The following JPH3 variants were observed in gnomAD, a reference collection of about 807,000 sequenced individuals.
JPH3 encodes the protein junctophilin 3.
JPH3 carries 11 observed loss-of-function variants against 59.6 expected under a neutral mutation model. That is an observed-to-expected ratio of 0.18 (90% CI 0.12 to 0.31). JPH3 has a LOEUF of 0.31. JPH3 is among the 10% of genes least tolerant of loss of function. The pLI, the probability that JPH3 is intolerant of heterozygous loss-of-function variation, is 1.00. For missense variants in JPH3, 1,202 were observed against 1,105.7 expected (o/e 1.09, Z -1.24); for synonymous variants, 673 against 483.6 (o/e 1.39, Z -5.14).
chr16:87,666,154 T>C (rs1157843474), intron 2 of JPH3, among the ~76,000 whole-genome samples: 1 of 151,546 alleles, frequency 6.6e-6, no homozygotes, highest in Non-Finnish European at 1.5e-5. Context: ...AGCGGCATGG[T>C]CTTGGTTCAC....
intron 1 of JPH3, among the ~76,000 whole-genome samples, chr16:87,633,037 CT>C (rs1405164659): frequency 1.3e-5 from 2 of 152,254 alleles, no homozygotes; most frequent in African/African-American, 4.8e-5. Context: ...TTCTCCTGTC[CT>C]TTTACTTCAT....
Position 87,619,577 on chromosome 16 carries a change from C to T in JPH3, c.382+16049C>T, listed in dbSNP as rs73234331. ...AGGACAAAGCCAGGATCTCAGTCTG[C>T]GGCTTGGAGGGGTCTGGGGTCCGGC... On this transcript the variant is annotated intron_variant, in intron 1 of 4. Transcript: ENST00000284262. Among the ~76,000 whole-genome samples, 799 of 152,302 alleles carry T rather than the reference C, an allele frequency of 5.2e-3. 6 individuals are homozygous for T. The highest frequency in any genetic ancestry group is 0.018 in the African/African-American group (745 of 41,558).
At position 87,616,190 on chromosome 16, in the gene JPH3, TTGTGTGTGTG is replaced by T. The variant is rs56053716; in HGVS notation, c.382+12700_382+12709del. Among the ~76,000 whole-genome samples, 234 of 116,014 alleles carry T rather than the reference TTGTGTGTGTG, an allele frequency of 2.0e-3. 4 individuals are homozygous for T. The highest frequency in any genetic ancestry group is 7.1e-3 in the South Asian group (23 of 3,248). 76.1% of individuals were successfully genotyped at this position (116,014 alleles called of 152,430 possible). On this transcript the variant is annotated intron_variant, in intron 1 of 4. Coordinates refer to ENST00000284262, the MANE Select transcript of JPH3 (RefSeq NM_020655.4). Reference sequence around the variant, plus strand: ...AGCAGAACAGCAACGCAATCTGGTTTTGTGTGTGTGTGTGTGTGTGTGTGTGTGTGTGTGT... The same window carrying T: ...AGCAGAACAGCAACGCAATCTGGTTTTGTGTGTGTGTGTGTGTGTGTGTGT...
chr16:87,610,271 C>T (rs1361300165), intron 1 of JPH3, among the ~76,000 whole-genome samples: 2 of 152,198 alleles, frequency 1.3e-5, no homozygotes, highest in East Asian at 1.9e-4. Context: ...TAACAGGCAA[C>T]GAACCAGTAC....
Position 87,662,935 on chromosome 16 carries a change from G to GGCT in JPH3, c.1160+17909_1160+17911dup, listed in dbSNP as rs777139922. On this transcript the variant is annotated intron_variant, in intron 2 of 4. Coordinates refer to ENST00000284262, the MANE Select transcript of JPH3 (RefSeq NM_020655.4). ...TCACGGACTTCCAGCACCCCTTCGG[G>GGCT]GCTGCTGCTGCCTGGTTGGTAAGCC... 5.6e-4 allele frequency among the ~76,000 whole-genome samples: 85 copies of GGCT among 152,276 alleles called. 1 individual carries two copies. Among genetic ancestry groups the GGCT allele is most frequent in the Non-Finnish European group, 1.0e-3 (70 of 68,022 alleles).
At chr16:87,602,431 C>CGGGGGGCGGGGGGCGGGGGGCG (rs1417599117), upstream of JPH3, among the ~76,000 whole-genome samples, 1 of 13,296 alleles carries the variant, frequency 7.5e-5, no homozygotes, top group Non-Finnish European at 2.0e-4. Context: ...GGGGCGGGGG[C>CGGGGGGCGGGGGGCGGGGGGCG]GGGGGCGGGG....
intron 2 of JPH3, among the ~76,000 whole-genome samples, chr16:87,682,920 G>C (rs1366106714): frequency 6.6e-6 from 1 of 152,234 alleles, no homozygotes; most frequent in Admixed American, 6.5e-5. Flanking sequence ...TTCTGCCTTC[G>C]GGACGTCTGT....
intron 2 of JPH3, among the ~76,000 whole-genome samples, chr16:87,652,088 C>A (rs1247682319): frequency 6.6e-6 from 1 of 152,212 alleles, no homozygotes; most frequent in Non-Finnish European, 1.5e-5. Flanking sequence ...CATTCTCCTG[C>A]CTCAGCCTCC....
At chr16:87,655,473 C>T (rs966627902) in intron 2 of JPH3, among the ~76,000 whole-genome samples, 3 of 152,192 alleles carry the variant, frequency 2.0e-5, no homozygotes, top group African/African-American at 7.2e-5. Context: ...CCCACCTCAG[C>T]CTCCTGAGTA....
intron 2 of JPH3, among the ~76,000 whole-genome samples, chr16:87,661,056 G>A (rs753214787): frequency 1.2e-4 from 18 of 152,204 alleles, no homozygotes; most frequent in Non-Finnish European, 2.5e-4. Flanking sequence ...GTCTAAACAC[G>A]AAATTTATAA....
intron 2 of JPH3, 108 bp downstream of exon 2, chr16:87,645,143 G>C: frequency 8.6e-7 from 1 of 1,158,684 alleles, no homozygotes. Context: ...GGCCCAGTTT[G>C]AGGCCTACAC....
At chr16:87,652,596 G>T (rs1597263897) in intron 2 of JPH3, among the ~76,000 whole-genome samples, 1 of 152,212 alleles carries the variant, frequency 6.6e-6, no homozygotes, top group African/African-American at 2.4e-5. Flanking sequence ...TCCGAGTAGC[G>T]TGTGGGGAGG....
At chr16:87,622,981 G>A (rs547503478) in intron 1 of JPH3, among the ~76,000 whole-genome samples, 15 of 152,122 alleles carry the variant, frequency 9.9e-5, no homozygotes, top group Non-Finnish European at 8.8e-5. Context: ...GGTCCCACAG[G>A]GGGGTAAGTT....
chr16:87,696,398 C>T, intron 4 of JPH3, 182 bp from the exon 5 acceptor site: 2 of 608,890 alleles, frequency 3.3e-6, no homozygotes, highest in Non-Finnish European at 5.8e-6. Context: ...TCTCCCGCGT[C>T]TGGACTTCAC....
chr16:87,682,862 T>C (rs1422135991), intron 2 of JPH3, among the ~76,000 whole-genome samples: 2 of 152,046 alleles, frequency 1.3e-5, no homozygotes, highest in African/African-American at 4.8e-5. Flanking sequence ...GCACACCAGG[T>C]AGGAAGAAAT....
chr16:87,645,027 G>C lies in JPH3; in HGVS notation c.1152G>C (p.Ala384=), dbSNP rs376541804. ...TCGCCAAGCAGAAGGCTGAGATCGC[G>C]GCTTCCAGGTAGGAGGGCGAGGGGG... ...ATIAKQKAEI[A]ASRTSHSRAK... Residue 384 remains alanine (A), a synonymous_variant, in exon 2 of 5, where the codon GCG becomes GCC. Transcript: ENST00000284262. The C allele has an allele frequency of 2.5e-6, 4 of 1,602,034 alleles. No individual in the cohort carries two copies. In the South Asian group the frequency reaches 3.3e-5, roughly 13 times the overall value.
intron 4 of JPH3, among the ~76,000 whole-genome samples, chr16:87,692,213 C>G (rs558538441): frequency 3.1e-5 from 4 of 129,180 alleles, no homozygotes; most frequent in African/African-American, 1.0e-4. Flanking sequence ...CCCTGTCTCC[C>G]TCCCCGTCTC....
chr16:87,645,153 C>T (rs1266265033), intron 2 of JPH3, 118 bp downstream of exon 2: 2 of 1,044,744 alleles, frequency 1.9e-6, no homozygotes, highest in South Asian at 3.3e-5. Flanking sequence ...GAGGCCTACA[C>T]TGGTGTTTCT....
intron 2 of JPH3, among the ~76,000 whole-genome samples, chr16:87,677,177 T>TAC (rs2033163713): frequency 1.9e-5 from 1 of 52,718 alleles, no homozygotes; most frequent in Non-Finnish European, 3.6e-5. Context: ...ACACGCACTA[T>TAC]ATATATATAC....
Sources: gnomAD v4.1 joint callset for allele counts (sites outside exome capture counted in the v4.1 genomes callset) on GRCh38, gnomAD v4.1.1 for gene constraint, MANE v1.5 for transcripts, NCBI Gene and HGNC (gene_info 2026-07-23, HGNC 2026-07-21) for gene names.